STOM: variants seen among roughly 807,000 people sequenced by gnomAD.
The protein encoded by STOM is stomatin, also known as erythrocyte band 7 integral membrane protein.
Under a neutral mutation model 30.6 loss-of-function variants are expected in STOM, and 25 were observed. The ratio of observed to expected loss-of-function variants is 0.82; its 90% CI spans 0.60 to 1.14. The LOEUF is 1.14. Among genes scored for constraint, STOM ranks in the 50% most tolerant of loss-of-function variants. The pLI is 0.00. For missense variants in STOM, 292 were observed against 365.2 expected (o/e 0.80, Z 1.63); for synonymous variants, 118 against 130.8 (o/e 0.90, Z 0.67).
chr9:121,369,263 C>G (rs952582011), intron 1 of STOM, among the ~76,000 whole-genome samples: 1 of 152,198 alleles, frequency 6.6e-6, no homozygotes, highest in Admixed American at 6.5e-5. Flanking sequence ...ACCCAGCCCT[C>G]TAAATTGCTT....
intron 1 of STOM, among the ~76,000 whole-genome samples, chr9:121,365,306 T>C (rs1284761860): frequency 1.3e-5 from 2 of 151,986 alleles, no homozygotes; most frequent in African/African-American, 4.8e-5. Flanking sequence ...CGTTAGAGAA[T>C]TCAGGAAAGC....
chr9:121,370,144 A>G lies in STOM; in HGVS notation c.44T>C (p.Leu15Pro). ...RHTRDSEAQR[L>P]PDSFKDSPSK... ...GGACTCACCCTTGAAGGAGTCGGGG[A>G]GCCGCTGGGCTTCGGAGTCCCGTGT... Residue 15 changes from leucine to proline, a missense_variant, in exon 1 of 7, where the codon CTC becomes CCC. Coordinates refer to ENST00000286713, the MANE Select transcript of STOM (RefSeq NM_004099.6). The G allele has an allele frequency of 6.5e-7, 1 of 1,546,384 alleles. No homozygotes were observed. Among genetic ancestry groups the G allele is most frequent in the Non-Finnish European group, 8.7e-7 (1 of 1,146,448 alleles).
intron 4 of STOM, among the ~76,000 whole-genome samples, chr9:121,351,609 G>A (rs1564629294): frequency 6.6e-6 from 1 of 152,204 alleles, no homozygotes; most frequent in Non-Finnish European, 1.5e-5. Flanking sequence ...TGGTTCCCAG[G>A]ATGGCCATCA....
intron 6 of STOM, among the ~76,000 whole-genome samples, chr9:121,346,981 A>G (rs928490046): frequency 2.0e-5 from 3 of 152,230 alleles, no homozygotes; most frequent in South Asian, 2.1e-4. Context: ...AACTCCTCCT[A>G]TGAAAACTGC....
intron 6 of STOM, among the ~76,000 whole-genome samples, chr9:121,347,717 T>C (rs1452289491): frequency 6.6e-6 from 1 of 152,174 alleles, no homozygotes; most frequent in Non-Finnish European, 1.5e-5. Flanking sequence ...TCCATAGATA[T>C]TAATATTAAA....
intron 4 of STOM, among the ~76,000 whole-genome samples, chr9:121,352,032 G>T (rs961157227): frequency 6.6e-6 from 1 of 152,084 alleles, no homozygotes; most frequent in African/African-American, 2.4e-5. Flanking sequence ...TAACAATGAT[G>T]ATATTATTAT....
At chr9:121,368,363 T>G (rs2064525433) in intron 1 of STOM, among the ~76,000 whole-genome samples, 1 of 152,208 alleles carries the variant, frequency 6.6e-6, no homozygotes, top group South Asian at 2.1e-4. Context: ...CCAAGCAGAT[T>G]TGCCACTGCA....
Position 121,339,095 on chromosome 9 carries a change from C to CT in STOM, c.*2106dup, listed in dbSNP as rs34987486. ...AAAAATATTAGTGAAAGTGCATACA[C>CT]TTTATTATGTACATTGTTGGAAAGG... On this transcript the variant is annotated 3_prime_UTR_variant, in exon 7 of 7. Transcript: ENST00000286713. The CT allele has an allele frequency of 3.9e-5, 6 of 152,378 alleles. No individual in the cohort carries two copies. Among genetic ancestry groups the CT allele is most frequent in the Admixed American group, 3.3e-4 (5 of 15,308 alleles). The allele number at this position is 152,378 out of a possible 1,614,324, so 9.4% of individuals were successfully genotyped here.
Position 121,343,793 on chromosome 9 carries a change from T to C in STOM, c.661-2385A>G, listed in dbSNP as rs1050990642. On this transcript the variant is annotated intron_variant, in intron 6 of 6. Coordinates refer to ENST00000286713, the MANE Select transcript of STOM (RefSeq NM_004099.6). ...TGTTTGGTCTTCATTCTGTAGGCAA[T>C]GGGAAGCTGCAGAATGATTTTAAGC... Among the ~76,000 whole-genome samples, 5 of 151,984 alleles carry C rather than the reference T, an allele frequency of 3.3e-5. No homozygotes were observed. In the East Asian group the frequency reaches 9.6e-4, roughly 29 times the overall value.
intron 1 of STOM, among the ~76,000 whole-genome samples, chr9:121,365,132 T>TG (rs1376023180): frequency 6.6e-6 from 1 of 151,872 alleles, no homozygotes; most frequent in Non-Finnish European, 1.5e-5. Context: ...GTTGTTTTTT[T>TG]GGGGAAAAGA....
At position 121,370,238 on chromosome 9, in the gene STOM, C is replaced by A; in HGVS notation, c.-51G>T. 6.6e-7 allele frequency: 1 copy of A among 1,526,314 alleles called. No individual in the cohort carries two copies. Among genetic ancestry groups the A allele is most frequent in the Non-Finnish European group, 8.8e-7 (1 of 1,132,294 alleles). 94.5% of individuals were successfully genotyped at this position (1,526,314 alleles called of 1,614,324 possible). ...CCCGTCCTCGTTGCCAAACCCGGAG[C>A]CGCCGGGAATGCCCTGAGGAGCCAG... On this transcript the variant is annotated 5_prime_UTR_variant, in exon 1 of 7. Coordinates refer to ENST00000286713, the MANE Select transcript of STOM (RefSeq NM_004099.6).
rs1196425731 is a variant in STOM, at chr9:121,339,455, G to C, written c.*1747C>G. 9.6e-7 allele frequency: 1 copy of C among 1,044,084 alleles called. No individual in the cohort carries two copies. Among genetic ancestry groups the C allele is most frequent in the South Asian group, 5.0e-5 (1 of 19,820 alleles). 64.7% of individuals were successfully genotyped at this position (1,044,084 alleles called of 1,614,324 possible). A position where few individuals can be genotyped will look rare whatever the true frequency, so the allele number is the denominator to read the frequency against. On this transcript the variant is annotated 3_prime_UTR_variant, in exon 7 of 7. Coordinates refer to ENST00000286713, the MANE Select transcript of STOM (RefSeq NM_004099.6). ...CCATACCTCTAATAAACTCAGCTAG[G>C]AGCCAGGATACATGGTAGTTCAAGG... is the stretch of plus-strand genomic sequence containing the variant.
chr9:121,357,630 G>A lies in STOM; in HGVS notation c.62-1474C>T, dbSNP rs527865350. Among the ~76,000 whole-genome samples, 3 of 151,656 alleles carry A rather than the reference G, an allele frequency of 2.0e-5. No homozygotes were observed. In the South Asian group the frequency reaches 6.3e-4, roughly 32 times the overall value. On this transcript the variant is annotated intron_variant, in intron 1 of 6. Transcript: ENST00000286713. ...ACTTTTTGTATTTAGTACAGATGGG[G>A]TTTCACCATGTTGGCCAGGCTGGCC...
chr9:121,355,449 TCA>T (rs1367804152), intron 2 of STOM, among the ~76,000 whole-genome samples: 1 of 151,812 alleles, frequency 6.6e-6, no homozygotes, highest in Non-Finnish European at 1.5e-5. Flanking sequence ...GCTGAAGTCT[TCA>T]CAGTTTTTCT....
intron 4 of STOM, among the ~76,000 whole-genome samples, 159 bp downstream of exon 4, chr9:121,353,061 T>G (rs558606140): frequency 6.6e-6 from 1 of 152,048 alleles, no homozygotes; most frequent in Non-Finnish European, 1.5e-5. Flanking sequence ...CTACTGCACT[T>G]CAGCCTGGGT....
At chr9:121,369,051 T>C (rs952560699) in intron 1 of STOM, among the ~76,000 whole-genome samples, 2 of 152,204 alleles carry the variant, frequency 1.3e-5, no homozygotes, top group African/African-American at 2.4e-5. Context: ...GAAGATAACC[T>C]GCAACGTTAT....
intron 5 of STOM, 70 bp from the exon 6 acceptor site, chr9:121,348,219 T>C (rs1186501141): frequency 3.1e-6 from 5 of 1,604,788 alleles, no homozygotes; most frequent in Non-Finnish European, 2.6e-6. Context: ...GCTGTATTCA[T>C]TGGGATTTGG....
At chr9:121,349,456 A>G (rs1187772210) in intron 4 of STOM, 133 bp from the exon 5 acceptor site, 2 of 658,242 alleles carry the variant, frequency 3.0e-6, no homozygotes, top group Admixed American at 6.1e-5. Context: ...AGTTAATTAT[A>G]TCTTTTAAAA....
chr9:121,348,244 TGG>T (rs2064307292), intron 5 of STOM, 95 bp from the exon 6 acceptor site: 2 of 1,562,122 alleles, frequency 1.3e-6, no homozygotes, highest in Non-Finnish European at 1.7e-6. Flanking sequence ...GATAAGGTGC[TGG>T]GGAGAGTTGT....
Sources: allele counts gnomAD v4.1 joint callset (sites outside exome capture counted in the v4.1 genomes callset), GRCh38; gene constraint gnomAD v4.1.1; transcripts MANE v1.5; gene names NCBI Gene and HGNC (gene_info 2026-07-23, HGNC 2026-07-21).